ABHD5: variants seen among roughly 807,000 people sequenced by gnomAD.
ABHD5 encodes 1-acylglycerol-3-phosphate O-acyltransferase ABHD5.
Under a neutral mutation model 44.9 loss-of-function variants are expected in ABHD5, and 30 were observed. That is an observed-to-expected ratio of 0.67 (90% CI 0.50 to 0.91). The LOEUF is 0.91. Among genes scored for constraint, ABHD5 ranks in the 40% least tolerant of loss-of-function variants. The pLI is 0.00. For missense variants in ABHD5, 399 were observed against 423.4 expected, an observed-to-expected ratio of 0.94 and a Z score of 0.50; for synonymous variants, 167 against 147.0, an observed-to-expected ratio of 1.14 and a Z score of -0.99.
rs1288452350 is a variant in ABHD5, at chr3:43,717,786, C to T, written c.889C>T (p.Arg297Ter). The T allele has an allele frequency of 3.7e-6, 6 of 1,614,192 alleles. No individual in the cohort carries two copies. Among genetic ancestry groups the T allele is most frequent in the East Asian group, 4.5e-5 (2 of 44,880 alleles). The part of the protein sequence containing the change: ...DIPVSVIFGA[R>*]SCIDGNSGTS... ...TCCAGTTTCAGTGATCTTTGGCGCC[C>T]GATCCTGCATAGATGGCAATTCTGG... is the stretch of plus-strand genomic sequence containing the variant. The change falls in exon 6 of 7, where the codon CGA becomes TGA. Residue 297 changes from arginine to a stop codon, truncating the protein, a stop_gained. Coordinates refer to ENST00000644371, the MANE Select transcript of ABHD5 (RefSeq NM_016006.6). LOFTEE classifies it high-confidence loss of function.
rs755577754 is a variant in ABHD5, at chr3:43,691,050, C to T, written c.47+11C>T. 3.9e-6 allele frequency: 6 copies of T among 1,548,386 alleles called. No homozygotes were observed. In the East Asian group the frequency reaches 1.6e-4, roughly 41 times the overall value. On this transcript the variant is annotated intron_variant, in intron 1 of 6. Transcript: ENST00000644371. ...CGACACCGGAGAGAGGTAAGCGCAG[C>T]CGGCAGGGGGCTTCGTGTGTCTCCG...
intron 7 of ABHD5, among the ~76,000 whole-genome samples, chr3:43,728,009 A>G (rs556209509): frequency 2.0e-5 from 3 of 152,320 alleles, no homozygotes; most frequent in South Asian, 4.1e-4. Flanking sequence ...TGTCTCATCT[A>G]TGAGACAGCT....
At chr3:43,727,191 C>T (rs2084883904), downstream of ABHD5, among the ~76,000 whole-genome samples, 1 of 152,154 alleles carries the variant, frequency 6.6e-6, no homozygotes, top group Non-Finnish European at 1.5e-5. Context: ...GAGTTGCCTT[C>T]CCTCAGACTG....
chr3:43,731,606 C>G (rs941634676), intron 7 of ABHD5, among the ~76,000 whole-genome samples: 2 of 152,020 alleles, frequency 1.3e-5, no homozygotes, highest in Non-Finnish European at 2.9e-5. Flanking sequence ...CCAAGGCAGG[C>G]GGATCACCTG....
chr3:43,732,221 A>C (rs990112463), intron 7 of ABHD5, among the ~76,000 whole-genome samples: 1 of 152,270 alleles, frequency 6.6e-6, no homozygotes, highest in East Asian at 1.9e-4. Flanking sequence ...ACTTGAGATC[A>C]AGAGTTCAAG....
At chr3:43,711,579 A>G in intron 3 of ABHD5, 130 bp from the exon 4 acceptor site, 1 of 968,530 alleles carries the variant, frequency 1.0e-6, no homozygotes, top group Admixed American at 2.0e-5. Context: ...CGATCTATTT[A>G]GCACTAATCT....
chr3:43,702,351 C>T lies in ABHD5; in HGVS notation c.270C>T (p.Leu90=). 1 of 1,614,144 alleles carries T rather than the reference C, an allele frequency of 6.2e-7. No homozygotes were observed. Among genetic ancestry groups the T allele is most frequent in the Non-Finnish European group, 8.5e-7 (1 of 1,180,010 alleles). The change falls in exon 3 of 7, where the codon CTC becomes CTT. Residue 90 remains leucine (L), a synonymous_variant. Coordinates refer to ENST00000644371, the MANE Select transcript of ABHD5 (RefSeq NM_016006.6). ...LLHGFGGGLG[L]WALNFGDLCT... ...ATGGTTTTGGAGGAGGTCTTGGGCT[C>T]TGGGCACTGAATTTTGGAGATCTTT... is the stretch of plus-strand genomic sequence containing the variant.
intron 2 of ABHD5, 195 bp downstream of exon 2, chr3:43,699,556 G>T (rs1052373241): frequency 1.0e-5 from 6 of 581,386 alleles, no homozygotes; most frequent in Non-Finnish European, 1.8e-5. Context: ...AAACTTTTTG[G>T]TCTTGGGCCC....
chr3:43,732,979 T>C (rs1275586429), intron 7 of ABHD5, among the ~76,000 whole-genome samples: 1 of 152,234 alleles, frequency 6.6e-6, no homozygotes, highest in Non-Finnish European at 1.5e-5. Flanking sequence ...TCAGTTTGTT[T>C]CCACGTGAAC....
intron 1 of ABHD5, chr3:43,691,294 T>G (rs1345330091): frequency 6.1e-6 from 2 of 329,484 alleles, no homozygotes; most frequent in African/African-American, 2.2e-5. Flanking sequence ...GAGGCCGCCT[T>G]GACCCCGCGC....
intron 1 of ABHD5, chr3:43,691,396 A>T (rs1202570436): frequency 5.4e-6 from 1 of 185,890 alleles, no homozygotes; most frequent in Non-Finnish European, 1.1e-5. Context: ...CTGCCAAGGG[A>T]CCCGGCCTGC....
chr3:43,713,343 GGAAAA>G (rs947849365), intron 4 of ABHD5, among the ~76,000 whole-genome samples: 6 of 146,246 alleles, frequency 4.1e-5, no homozygotes, highest in Non-Finnish European at 6.0e-5. Flanking sequence ...AAAAAAAAAA[GGAAAA>G]GAAAAGAAAA....
intron 1 of ABHD5, among the ~76,000 whole-genome samples, chr3:43,697,763 G>C (rs1241595778): frequency 6.6e-6 from 1 of 152,172 alleles, no homozygotes; most frequent in Admixed American, 6.5e-5. Context: ...GCAGGTCCAG[G>C]AAAATATAGA....
At chr3:43,711,529 T>C (rs1427603062) in intron 3 of ABHD5, among the ~76,000 whole-genome samples, 180 bp from the exon 4 acceptor site, 1 of 152,252 alleles carries the variant, frequency 6.6e-6, no homozygotes, top group African/African-American at 2.4e-5. Flanking sequence ...TCTTAGATCC[T>C]ACTGAATCTC....
At chr3:43,695,905 A>G (rs2084468579) in intron 1 of ABHD5, among the ~76,000 whole-genome samples, 1 of 152,238 alleles carries the variant, frequency 6.6e-6, no homozygotes, top group Non-Finnish European at 1.5e-5. Flanking sequence ...GTGATCTTTT[A>G]TAACTTTTCT....
At chr3:43,715,100 TGTG>T in intron 5 of ABHD5, 42 bp downstream of exon 5, 1 of 1,144,176 alleles carries the variant, frequency 8.7e-7, no homozygotes, top group East Asian at 2.4e-5. Context: ...TGTGTGTGTG[TGTG>T]TGTGTGTGTG....
intron 3 of ABHD5, among the ~76,000 whole-genome samples, chr3:43,703,813 GC>G (rs2084579079): frequency 1.3e-5 from 2 of 152,114 alleles, no homozygotes; most frequent in African/African-American, 4.8e-5. Flanking sequence ...GATGTGTGAA[GC>G]AGCAGCCCTG....
chr3:43,696,860 TATGTTTTGTTAAA>T (rs2084479814), intron 1 of ABHD5, among the ~76,000 whole-genome samples: 1 of 152,164 alleles, frequency 6.6e-6, no homozygotes, highest in Non-Finnish European at 1.5e-5. Flanking sequence ...AATATCTTGC[TATGTTTTGTTAAA>T]TATATATTTT....
downstream of ABHD5, among the ~76,000 whole-genome samples, chr3:43,726,015 A>G (rs1485095236): frequency 1.3e-5 from 2 of 151,884 alleles, no homozygotes; most frequent in Non-Finnish European, 2.9e-5. Flanking sequence ...ATAGGCGCCC[A>G]CCACCATGCT....
Sources: gnomAD v4.1 joint callset for allele counts (sites outside exome capture counted in the v4.1 genomes callset) on GRCh38, gnomAD v4.1.1 for gene constraint, MANE v1.5 for transcripts, NCBI Gene and HGNC (gene_info 2026-07-23, HGNC 2026-07-21) for gene names.